Variants in CACNA1C observed in about 807,000 individuals in gnomAD.
CACNA1C encodes voltage-dependent L-type calcium channel subunit alpha-1C.
In CACNA1C, 30 loss-of-function variants were observed where a neutral mutation model predicts 229.0. The ratio of observed to expected loss-of-function variants is 0.13; its 90% CI spans 0.10 to 0.18. CACNA1C has a LOEUF of 0.18. Among genes scored for constraint, CACNA1C ranks in the 10% least tolerant of loss-of-function variants. The pLI, the probability that CACNA1C is intolerant of heterozygous loss-of-function variation, is 1.00. For missense variants in CACNA1C, 1,658 were observed against 2,845.0 expected (o/e 0.58, Z 9.49); for synonymous variants, 1,114 against 1,132.5 (o/e 0.98, Z 0.33).
In CACNA1C at chr12:2,410,912, TG is replaced by T. The variant is rs1163465723; in HGVS notation, c.478-38062del. 6.6e-6 allele frequency among the ~76,000 whole-genome samples: 1 copy of T among 152,096 alleles called. No homozygotes were observed. Among genetic ancestry groups the T allele is most frequent in the African/African-American group, 2.4e-5 (1 of 41,396 alleles). On this transcript the variant is annotated intron_variant, in intron 3 of 46. Transcript: ENST00000399655. The surrounding 1 kb of genome is among the most constrained non-coding windows in gnomAD (Gnocchi z 5.3). ...TGGCTGCCCTATCCTTCCCTTCTCC[TG>T]GCTGCCTCCCATTGTGACATGGATT...
At chr12:2,336,233 G>A (rs2238066) in intron 3 of CACNA1C, among the ~76,000 whole-genome samples, 113,355 of 152,188 alleles carry the variant, frequency 0.74, 42,876 homozygotes, top group African/African-American at 0.88. Context: ...CACTAGGCAC[G>A]ATTATTCCAA....
intron 4 of CACNA1C, 104 bp downstream of exon 4, chr12:2,449,219 T>A: frequency 1.2e-6 from 1 of 818,938 alleles, no homozygotes; most frequent in Non-Finnish European, 1.8e-6. Flanking sequence ...CACAAAGATT[T>A]AGGCTCGCAG....
rs79854345 is a variant in CACNA1C, at chr12:2,139,507, C to T, written c.477+19077C>T. On this transcript the variant is annotated intron_variant, in intron 3 of 46. Transcript: ENST00000399655. ...TACCTGGAGTACAGCTGGGGCCTTG[C>T]GCATGTCTGTGAGGGCCAGGCCAGG... is the stretch of plus-strand genomic sequence containing the variant. Among the ~76,000 whole-genome samples the T allele has an allele frequency of 9.9e-3, 1,493 of 151,346 alleles. 39 individuals carry two copies. The highest frequency in any genetic ancestry group is 0.034 in the African/African-American group (1,406 of 41,468).
intron 1 of CACNA1C, among the ~76,000 whole-genome samples, chr12:1,972,256 A>G (rs1055577992): frequency 1.3e-5 from 2 of 152,242 alleles, no homozygotes; most frequent in Non-Finnish European, 2.9e-5. Flanking sequence ...TCTTCCTCAC[A>G]AGAGTAGAAT....
chr12:2,686,647 A>AT (rs2097517527), intron 45 of CACNA1C, among the ~76,000 whole-genome samples: 1 of 152,246 alleles, frequency 6.6e-6, no homozygotes, highest in Non-Finnish European at 1.5e-5. Flanking sequence ...GAGTTTGAAT[A>AT]TACCTGGAAA....
intron 3 of CACNA1C, among the ~76,000 whole-genome samples, chr12:2,191,543 T>A (rs189405979): frequency 1.8e-3 from 273 of 152,176 alleles, no homozygotes; most frequent in African/African-American, 6.4e-3. Context: ...CATACACACA[T>A]GGACACATTC....
At chr12:2,223,147 A>G (rs2061918761) in intron 3 of CACNA1C, among the ~76,000 whole-genome samples, 1 of 152,222 alleles carries the variant, frequency 6.6e-6, no homozygotes, top group African/African-American at 2.4e-5. Context: ...CTCATAGCAT[A>G]CTGGACAATG....
chr12:2,209,747 A>G (rs938368175), intron 3 of CACNA1C, among the ~76,000 whole-genome samples: 1 of 152,198 alleles, frequency 6.6e-6, no homozygotes, highest in African/African-American at 2.4e-5. Context: ...TTTTCAGTTA[A>G]TGGACTCCTT....
chr12:2,064,218 G>A (rs1382917798), intron 1 of CACNA1C, among the ~76,000 whole-genome samples: 21 of 152,162 alleles, frequency 1.4e-4, no homozygotes, highest in Admixed American at 1.2e-3. Context: ...CTTTCACCTC[G>A]TTGCTGACCT....
At chr12:1,996,649 A>AC (rs2040938179) in intron 1 of CACNA1C, among the ~76,000 whole-genome samples, 3 of 46,840 alleles carry the variant, frequency 6.4e-5, no homozygotes, top group Non-Finnish European at 8.4e-5. Context: ...AAAAAAAAAA[A>AC]AAAAAACAAC....
chr12:2,242,329 G>A (rs1317462730), intron 3 of CACNA1C, among the ~76,000 whole-genome samples: 1 of 152,188 alleles, frequency 6.6e-6, no homozygotes, highest in Non-Finnish European at 1.5e-5. Context: ...GCAATGCAAG[G>A]ATAATGAAAA....
At chr12:2,326,837 G>T (rs758441144) in intron 3 of CACNA1C, among the ~76,000 whole-genome samples, 7 of 152,198 alleles carry the variant, frequency 4.6e-5, no homozygotes, top group Non-Finnish European at 7.3e-5. Context: ...CCTGAGAGAC[G>T]ATCTGGTTCA....
chr12:2,298,426 G>C (rs1420542437), intron 3 of CACNA1C, among the ~76,000 whole-genome samples: 1 of 152,168 alleles, frequency 6.6e-6, no homozygotes, highest in Non-Finnish European at 1.5e-5. Flanking sequence ...AGCCTCCCAA[G>C]TAGCTGGGAT....
At chr12:2,537,326 A>G (rs2099858174) in intron 9 of CACNA1C, among the ~76,000 whole-genome samples, 1 of 152,182 alleles carries the variant, frequency 6.6e-6, no homozygotes, top group African/African-American at 2.4e-5. Flanking sequence ...AAACGACTGA[A>G]TTTTCTAAGC....
intron 9 of CACNA1C, among the ~76,000 whole-genome samples, chr12:2,515,661 G>A (rs2099795115): frequency 6.6e-6 from 1 of 152,180 alleles, no homozygotes; most frequent in South Asian, 2.1e-4. Flanking sequence ...AGGCTGGGGA[G>A]GTGGGGCTGA....
chr12:2,102,370 A>T (rs1041402029), intron 1 of CACNA1C, among the ~76,000 whole-genome samples: 1 of 152,024 alleles, frequency 6.6e-6, no homozygotes, highest in Admixed American at 6.6e-5. Context: ...AAAATAAGAG[A>T]AGGACCCAAG....
intron 5 of CACNA1C, among the ~76,000 whole-genome samples, chr12:2,474,769 A>AG (rs1555640369): frequency 3.3e-5 from 5 of 151,724 alleles, no homozygotes; most frequent in South Asian, 2.1e-4. Flanking sequence ...AAAAAAAAAA[A>AG]AAAGAAAGAA....
chr12:1,991,126 A>T (rs749547549), intron 1 of CACNA1C: 1 of 456,194 alleles, frequency 2.2e-6, no homozygotes. Context: ...GCTACCTTTA[A>T]TTTGCATCCA....
intron 3 of CACNA1C, among the ~76,000 whole-genome samples, chr12:2,286,882 T>G (rs1302469623): frequency 6.6e-6 from 1 of 152,172 alleles, no homozygotes; most frequent in Non-Finnish European, 1.5e-5. Context: ...AGGACTGAAA[T>G]TGGTAGTGGC....
Sources: allele counts gnomAD v4.1 joint callset (sites outside exome capture counted in the v4.1 genomes callset), GRCh38; gene constraint gnomAD v4.1.1; non-coding constraint Gnocchi (gnomAD v3.1); transcripts MANE v1.5; gene names NCBI Gene and HGNC (gene_info 2026-07-23, HGNC 2026-07-21).